Variants in CCDC158 observed in about 807,000 individuals in gnomAD.
The protein encoded by CCDC158 is coiled-coil domain-containing protein 158.
CCDC158 carries 116 observed loss-of-function variants against 138.6 expected under a neutral mutation model. That is an observed-to-expected ratio of 0.84 (90% CI 0.72 to 0.98). The LOEUF (loss-of-function observed/expected upper bound fraction) is 0.98, where lower values mean the gene tolerates loss of function less well. Ranked by LOEUF, CCDC158 falls within the 50% of genes least tolerant of loss-of-function variation. The pLI, the probability that CCDC158 is intolerant of heterozygous loss-of-function variation, is 0.00. For synonymous variants in CCDC158, 436 were observed against 442.4 expected, an observed-to-expected ratio of 0.99 and a Z score of 0.18; for missense variants, 1,265 against 1,306.1, an observed-to-expected ratio of 0.97 and a Z score of 0.48.
intron 18 of CCDC158, among the ~76,000 whole-genome samples, chr4:76,338,386 C>A (rs937641110): frequency 6.6e-6 from 1 of 152,066 alleles, no homozygotes; most frequent in Non-Finnish European, 1.5e-5. Flanking sequence ...AGCGTGTATG[C>A]CTGTAGTCCC....
intron 24 of CCDC158, among the ~76,000 whole-genome samples, chr4:76,317,466 C>G (rs1181692035): frequency 6.6e-6 from 1 of 152,006 alleles, no homozygotes; most frequent in African/African-American, 2.4e-5. Flanking sequence ...AACACTGGAG[C>G]TCCCAAATTT....
intron 2 of CCDC158, among the ~76,000 whole-genome samples, chr4:76,405,651 G>T (rs1286803753): frequency 6.6e-6 from 1 of 152,046 alleles, no homozygotes; most frequent in Non-Finnish European, 1.5e-5. Flanking sequence ...TGACAAAGGA[G>T]AATAAATGTA....
chr4:76,411,585 C>T (rs553913364), intron 2 of CCDC158, among the ~76,000 whole-genome samples: 6 of 152,204 alleles, frequency 3.9e-5, no homozygotes, highest in African/African-American at 9.6e-5. Context: ...TAATGTAATA[C>T]GGAATTAAGC....
chr4:76,369,147 G>A (rs945790555), intron 11 of CCDC158, among the ~76,000 whole-genome samples: 11 of 152,146 alleles, frequency 7.2e-5, no homozygotes, highest in African/African-American at 1.9e-4. Context: ...TCCGGGAGGT[G>A]GAGGTTGCAG....
intron 18 of CCDC158, chr4:76,344,638 T>A (rs1722371181): frequency 6.3e-7 from 1 of 1,576,280 alleles, no homozygotes; most frequent in Admixed American, 1.7e-5. Context: ...AAAGTCAAAT[T>A]TACAGTGCAC....
intron 9 of CCDC158, among the ~76,000 whole-genome samples, chr4:76,376,184 G>T (rs567820831): frequency 4.6e-5 from 7 of 152,034 alleles, no homozygotes; most frequent in Admixed American, 4.6e-4. Flanking sequence ...CTTTCTAGTA[G>T]CGAGAACTAC....
At chr4:76,342,380 T>C (rs544540781) in intron 18 of CCDC158, among the ~76,000 whole-genome samples, 1 of 152,286 alleles carries the variant, frequency 6.6e-6, no homozygotes, top group South Asian at 2.1e-4. Flanking sequence ...TGTAAGTCAC[T>C]TAGCTTCTTC....
intron 21 of CCDC158, among the ~76,000 whole-genome samples, chr4:76,330,340 T>A (rs1256461954): frequency 3.3e-5 from 5 of 152,154 alleles, no homozygotes; most frequent in Non-Finnish European, 5.9e-5. Flanking sequence ...CCCTCATACA[T>A]GAGATTAGAC....
chr4:76,405,531 C>T (rs1286207424), intron 2 of CCDC158, among the ~76,000 whole-genome samples: 3 of 152,014 alleles, frequency 2.0e-5, no homozygotes, highest in Admixed American at 6.6e-5. Context: ...AAAACAAGAC[C>T]GGGAAAACTG....
At chr4:76,354,808 G>A (rs1723388219) in intron 15 of CCDC158, among the ~76,000 whole-genome samples, 1 of 152,142 alleles carries the variant, frequency 6.6e-6, no homozygotes, top group Non-Finnish European at 1.5e-5. Flanking sequence ...CATACGAGCT[G>A]CATATATACT....
At chr4:76,349,128 G>T (rs191922398) in intron 18 of CCDC158, among the ~76,000 whole-genome samples, 72 of 152,308 alleles carry the variant, frequency 4.7e-4, no homozygotes, top group African/African-American at 1.7e-3. Flanking sequence ...GGAAGTAATG[G>T]AGACCTGAAG....
intron 3 of CCDC158, chr4:76,401,200 T>C (rs1379748830): frequency 3.0e-6 from 1 of 329,266 alleles, no homozygotes; most frequent in Admixed American, 3.5e-5. Flanking sequence ...GGTTGAAAGA[T>C]AGGAGCTTAA....
intron 18 of CCDC158, among the ~76,000 whole-genome samples, chr4:76,343,483 A>C (rs1434201520): frequency 6.6e-6 from 1 of 152,208 alleles, no homozygotes; most frequent in Non-Finnish European, 1.5e-5. Context: ...AACACAAAAA[A>C]TTATTTAAAA....
chr4:76,351,431 C>T (rs536620466), intron 17 of CCDC158, among the ~76,000 whole-genome samples: 2 of 152,122 alleles, frequency 1.3e-5, no homozygotes, highest in Non-Finnish European at 2.9e-5. Flanking sequence ...TTTGGGTATT[C>T]CCATGCAGGT....
chr4:76,333,966 A>T, intron 19 of CCDC158, 44 bp downstream of exon 19: 1 of 1,433,778 alleles, frequency 7.0e-7, no homozygotes, highest in African/African-American at 1.4e-5. Flanking sequence ...ATGGCAAACC[A>T]TTCAAGAGAT....
At chr4:76,410,611 G>A (rs1729219588) in intron 2 of CCDC158, among the ~76,000 whole-genome samples, 1 of 152,130 alleles carries the variant, frequency 6.6e-6, no homozygotes, top group Admixed American at 6.6e-5. Context: ...CCTGAGACTG[G>A]GGATCTTACA....
chr4:76,401,459 T>C, intron 3 of CCDC158: 1 of 381,108 alleles, frequency 2.6e-6, no homozygotes, highest in Admixed American at 2.9e-5. Context: ...GCTGAGGCCT[T>C]GAGTGCATTG....
intron 1 of CCDC158, among the ~76,000 whole-genome samples, chr4:76,413,987 G>A (rs895200915): frequency 6.6e-6 from 1 of 151,886 alleles, no homozygotes; most frequent in Non-Finnish European, 1.5e-5. Flanking sequence ...TGTCACCCAG[G>A]TGGCTGTGCA....
At chr4:76,395,622 T>C (rs1182488488) in intron 4 of CCDC158, among the ~76,000 whole-genome samples, 1 of 152,040 alleles carries the variant, frequency 6.6e-6, no homozygotes, top group Non-Finnish European at 1.5e-5. Flanking sequence ...GCAGTATATC[T>C]AGGGAAGAGC....
Sources: allele counts gnomAD v4.1 joint callset (sites outside exome capture counted in the v4.1 genomes callset), GRCh38; gene constraint gnomAD v4.1.1; transcripts MANE v1.5; gene names NCBI Gene and HGNC (gene_info 2026-07-23, HGNC 2026-07-21).